MAPK9: variants seen among roughly 807,000 people sequenced by gnomAD.
MAPK9 encodes the protein Jun kinase.
MAPK9 carries 30 observed loss-of-function variants against 57.1 expected under a neutral mutation model. The observed-to-expected ratio is 0.53, with a 90% confidence interval of 0.39 to 0.71. MAPK9 has a LOEUF of 0.71. Ranked by LOEUF, MAPK9 falls within the 30% of genes least tolerant of loss-of-function variation. The pLI is 0.00. For synonymous variants in MAPK9, 155 were observed against 177.0 expected, an observed-to-expected ratio of 0.88 and a Z score of 0.99; for missense variants, 362 against 521.0, an observed-to-expected ratio of 0.69 and a Z score of 2.97.
intron 2 of MAPK9, among the ~76,000 whole-genome samples, chr5:180,275,668 A>G (rs565273069): frequency 6.6e-6 from 1 of 152,346 alleles, no homozygotes; most frequent in South Asian, 2.1e-4. Context: ...AATGCTGAGC[A>G]TGGGGGACAG....
At chr5:180,252,043 G>A (rs974920177) in intron 5 of MAPK9, among the ~76,000 whole-genome samples, 8 of 152,122 alleles carry the variant, frequency 5.3e-5, no homozygotes, top group East Asian at 1.9e-4. Context: ...ACTGAAACCC[G>A]AAGACCCCAA....
Position 180,242,236 on chromosome 5 carries a change from C to T in MAPK9, c.871+337G>A, listed in dbSNP as rs140429009. Among the ~76,000 whole-genome samples, 5 of 152,258 alleles carry T rather than the reference C, an allele frequency of 3.3e-5. No homozygotes were observed. In the East Asian group the frequency reaches 5.8e-4, roughly 18 times the overall value. On this transcript the variant is annotated intron_variant, in intron 8 of 11. Transcript: ENST00000452135. The stretch of plus-strand genomic sequence containing the variant: ...GGTGGGGAGGAAGGACCTTTTTCAT[C>T]GAACAACTGTCACATCGCTTCTGAC...
At chr5:180,244,914 G>A (rs1281601641) in intron 7 of MAPK9, among the ~76,000 whole-genome samples, 1 of 152,098 alleles carries the variant, frequency 6.6e-6, no homozygotes, top group Non-Finnish European at 1.5e-5. Flanking sequence ...GCCCATCATG[G>A]CTGCCAGCAG....
chr5:180,245,717 G>A (rs1461715440), intron 7 of MAPK9, among the ~76,000 whole-genome samples: 1 of 152,174 alleles, frequency 6.6e-6, no homozygotes, highest in Non-Finnish European at 1.5e-5. Context: ...ATTTCTCAAG[G>A]ATGCATGGCT....
chr5:180,264,850 A>G lies in MAPK9; in HGVS notation c.253-11T>C. 6.6e-7 allele frequency: 1 copy of G among 1,521,008 alleles called. No homozygotes were observed. The highest frequency in any genetic ancestry group is 1.2e-5 in the South Asian group (1 of 81,292). The allele number at this position is 1,521,008 out of a possible 1,614,324, so 94.2% of individuals were successfully genotyped here. A position where few individuals can be genotyped will look rare whatever the true frequency, so the allele number is the denominator to read the frequency against. On this transcript the variant is annotated splice_polypyrimidine_tract_variant and intron_variant, in intron 3 of 11. Coordinates refer to ENST00000452135, the MANE Select transcript of MAPK9 (RefSeq NM_002752.5). ...TAACAAACTAATTATCTGAAAAGAGAAAATTAATTATACTTCAATATGTCA... is the reference window on the plus strand; with the variant it reads ...TAACAAACTAATTATCTGAAAAGAGGAAATTAATTATACTTCAATATGTCA...
At position 180,247,661 on chromosome 5, in the gene MAPK9, A is replaced by T. The variant is rs1481495494; in HGVS notation, c.617-151T>A. On this transcript the variant is annotated intron_variant, in intron 6 of 11. Coordinates refer to ENST00000452135, the MANE Select transcript of MAPK9 (RefSeq NM_002752.5). The surrounding 1 kb of genome is among the most constrained non-coding windows in gnomAD (Gnocchi z 4.5). ...TTTTACACAATATGAATGATTGCTG[A>T]CCTCTATTTTAGCCTTCGGTTTGTA... 13 of 933,980 alleles carry T rather than the reference A, an allele frequency of 1.4e-5. No homozygotes were observed. The highest frequency in any genetic ancestry group is 2.2e-5 in the Non-Finnish European group (13 of 589,316). The allele number at this position is 933,980 out of a possible 1,614,324, so 57.9% of individuals were successfully genotyped here. A position where few individuals can be genotyped will look rare whatever the true frequency, so the allele number is the denominator to read the frequency against.
At chr5:180,263,309 C>T (rs573444879) in intron 4 of MAPK9, among the ~76,000 whole-genome samples, 10 of 152,278 alleles carry the variant, frequency 6.6e-5, no homozygotes, top group African/African-American at 1.9e-4. Flanking sequence ...GTCTCTTCCC[C>T]TCTCACCCTT....
intron 1 of MAPK9, among the ~76,000 whole-genome samples, chr5:180,284,650 T>C (rs1377145452): frequency 1.3e-5 from 2 of 152,254 alleles, no homozygotes; most frequent in Non-Finnish European, 2.9e-5. Flanking sequence ...TAAGTGTATC[T>C]GACAAATACG....
At chr5:180,270,527 A>G (rs1761158467) in intron 2 of MAPK9, among the ~76,000 whole-genome samples, 2 of 152,218 alleles carry the variant, frequency 1.3e-5, no homozygotes, top group South Asian at 4.1e-4. Flanking sequence ...CCATGTATGT[A>G]TTTATACCTA....
intron 7 of MAPK9, among the ~76,000 whole-genome samples, chr5:180,245,741 G>A (rs1039624264): frequency 2.6e-5 from 4 of 152,204 alleles, no homozygotes; most frequent in Non-Finnish European, 5.9e-5. Flanking sequence ...AAGGGGAGGA[G>A]TCTGAGCTGG....
chr5:180,242,800 C>T (rs1194675424), intron 7 of MAPK9, 45 bp from the exon 8 acceptor site: 5 of 1,464,002 alleles, frequency 3.4e-6, no homozygotes, highest in Non-Finnish European at 4.7e-6. Flanking sequence ...ACCTTGTATT[C>T]ACAGTACATG....
At chr5:180,263,691 C>T (rs1343641803) in intron 4 of MAPK9, among the ~76,000 whole-genome samples, 1 of 146,384 alleles carries the variant, frequency 6.8e-6, no homozygotes, top group Non-Finnish European at 1.5e-5. Flanking sequence ...CCCAAAGTAT[C>T]TGCGGCACCA....
intron 1 of MAPK9, among the ~76,000 whole-genome samples, chr5:180,291,337 T>C (rs1355161630): frequency 6.6e-6 from 1 of 151,986 alleles, no homozygotes; most frequent in African/African-American, 2.4e-5. Flanking sequence ...AGGGGGTTCC[T>C]ACACCACTCA....
intron 1 of MAPK9, among the ~76,000 whole-genome samples, chr5:180,284,113 C>T (rs1762536302): frequency 6.6e-6 from 1 of 152,216 alleles, no homozygotes; most frequent in Admixed American, 6.5e-5. Context: ...TTTAGCTATT[C>T]ATGAGTCAAC....
At chr5:180,262,510 C>T (rs1002709686) in intron 4 of MAPK9, among the ~76,000 whole-genome samples, 1 of 151,830 alleles carries the variant, frequency 6.6e-6, no homozygotes, top group Non-Finnish European at 1.5e-5. Context: ...TCACTGCAAC[C>T]TCCACCTCCC....
At chr5:180,238,566 A>C (rs1330558062) in intron 10 of MAPK9, among the ~76,000 whole-genome samples, 163 bp from the exon 11 acceptor site, 2 of 148,780 alleles carry the variant, frequency 1.3e-5, no homozygotes, top group Admixed American at 6.7e-5. Context: ...GGACCAAAAT[A>C]TTCATATTTT....
rs77251925 is a variant in MAPK9 at position 180,290,943 on chromosome 5, T to A, written c.-48+905A>T. Among the ~76,000 whole-genome samples the A allele has an allele frequency of 1.9e-3, 284 of 152,256 alleles. 1 individual carries two copies. The highest frequency in any genetic ancestry group is 6.6e-3 in the African/African-American group (273 of 41,544). On this transcript the variant is annotated intron_variant, in intron 1 of 11. Transcript: ENST00000452135. ...AAAATAAGCAGGCAAATAAATAGAA[T>A]AGTTTCAAACCAGATGAGAGCTAGG...
In MAPK9 at chr5:180,242,699, T is replaced by C; in HGVS notation, c.745A>G (p.Met249Val). The C allele has an allele frequency of 6.2e-7, 1 of 1,614,172 alleles. No homozygotes were observed. Among genetic ancestry groups the C allele is most frequent in the Non-Finnish European group, 8.5e-7 (1 of 1,179,992 alleles). The change falls in exon 8 of 12, where the codon ATG becomes GTG. Residue 249 changes from methionine to valine, a missense_variant. Physicochemically the swap from Met to Val is conservative, Grantham distance 21. Transcript: ENST00000452135. ...EQLGTPSAEF[M>V]KKLQPTVRNY... The stretch of plus-strand genomic sequence containing the variant: ...CTCACAGTTGGCTGAAGTTTCTTCA[T>C]GAACTCTGCTGATGGTGTTCCCAGC...
At chr5:180,260,124 C>G (rs922699233) in intron 5 of MAPK9, among the ~76,000 whole-genome samples, 1 of 152,132 alleles carries the variant, frequency 6.6e-6, no homozygotes, top group South Asian at 2.1e-4. Context: ...AGGAAAAATT[C>G]TATGCATGTA....
Sources: allele counts gnomAD v4.1 joint callset (sites outside exome capture counted in the v4.1 genomes callset), GRCh38; gene constraint gnomAD v4.1.1; non-coding constraint Gnocchi (gnomAD v3.1); transcripts MANE v1.5; gene names NCBI Gene and HGNC (gene_info 2026-07-23, HGNC 2026-07-21).